AGAP1: variants seen among roughly 807,000 people sequenced by gnomAD.
AGAP1 encodes ArfGAP with GTPase domain, ankyrin repeat and PH domain 1, also known as arf-GAP with GTPase, ANK repeat and PH domain-containing protein 1.
AGAP1 carries 29 observed loss-of-function variants against 105.3 expected under a neutral mutation model. The observed-to-expected ratio is 0.28, with a 90% CI of 0.21 to 0.38. The LOEUF (loss-of-function observed/expected upper bound fraction) is 0.38. AGAP1 is among the 10% of genes least tolerant of loss of function. AGAP1 has a pLI of 1.00. For synonymous variants in AGAP1, 509 were observed against 485.9 expected (o/e 1.05, Z -0.63); for missense variants, 998 against 1,165.1 (o/e 0.86, Z 2.09).
At position 235,639,765 on chromosome 2, in the gene AGAP1, A is replaced by G. The variant is rs935995406; in HGVS notation, c.164-69414A>G. On this transcript the variant is annotated intron_variant, in intron 1 of 17. Transcript: ENST00000304032. The surrounding 1 kb of genome is among the most constrained non-coding windows in gnomAD (Gnocchi z 5.3). ...CACATGCCATCCCACATTCTAGACC[A>G]TCCAGTTTTGCTTCTCAGGCTCTGA... is the stretch of plus-strand genomic sequence containing the variant. Among the ~76,000 whole-genome samples, 2 of 152,124 alleles carry G rather than the reference A, an allele frequency of 1.3e-5. No homozygotes were observed. The highest frequency in any genetic ancestry group is 2.9e-5 in the Non-Finnish European group (2 of 68,024).
At chr2:235,500,695 T>C (rs901889964) in intron 1 of AGAP1, among the ~76,000 whole-genome samples, 1 of 152,272 alleles carries the variant, frequency 6.6e-6, no homozygotes, top group East Asian at 1.9e-4. Context: ...CTGGTGTTCA[T>C]GTGATCTTCA....
rs1944808088 is a variant in AGAP1, at chr2:235,578,384, C to T, written c.163+83535C>T. Among the ~76,000 whole-genome samples, 2 of 152,214 alleles carry T rather than the reference C, an allele frequency of 1.3e-5. No homozygotes were observed. The highest frequency in any genetic ancestry group is 6.5e-5 in the Admixed American group (1 of 15,286). ...GAGAAGTCAGTGACATGATTAAGAC[C>T]TTTAAAAATGATGGTAAGCATGTGC... On this transcript the variant is annotated intron_variant, in intron 1 of 17. Transcript: ENST00000304032. The surrounding 1 kb of genome is among the most constrained non-coding windows in gnomAD (Gnocchi z 4.9).
chr2:235,644,738 C>T (rs778702313), intron 1 of AGAP1, among the ~76,000 whole-genome samples: 1 of 152,106 alleles, frequency 6.6e-6, no homozygotes, highest in African/African-American at 2.4e-5. Flanking sequence ...AGTAGTGTTG[C>T]GTCCATTGGT....
intron 2 of AGAP1, 139 bp from the exon 3 acceptor site, chr2:235,717,418 T>G: frequency 7.3e-5 from 44 of 599,050 alleles, no homozygotes; most frequent in Non-Finnish European, 9.8e-5. Context: ...AAGTATTGAA[T>G]GAGCTTGTTT....
Position 235,908,130 on chromosome 2 carries a change from G to A in AGAP1, c.1156-608G>A, listed in dbSNP as rs2051397270. On this transcript the variant is annotated intron_variant, in intron 10 of 17. Transcript: ENST00000304032. This position sits in a 1 kb window ranked among gnomAD's most constrained non-coding sequence, Gnocchi z 4.4. ...GACTCCACAGTGAGTTAAGTGAGCTGCCAGAGAGCAGTCACTGTCCACCGA... is the reference window on the plus strand; with the variant it reads ...GACTCCACAGTGAGTTAAGTGAGCTACCAGAGAGCAGTCACTGTCCACCGA... Among the ~76,000 whole-genome samples the A allele has an allele frequency of 6.6e-6, 1 of 152,132 alleles. No individual in the cohort carries two copies. Among genetic ancestry groups the A allele is most frequent in the Non-Finnish European group, 1.5e-5 (1 of 68,026 alleles).
At position 236,121,520 on chromosome 2, in the gene AGAP1, C is replaced by T. The variant is rs1310195219; in HGVS notation, c.2370+1073C>T. On this transcript the variant is annotated intron_variant, in intron 17 of 17. Coordinates refer to ENST00000304032, the MANE Select transcript of AGAP1 (RefSeq NM_001037131.3). This position sits in a 1 kb window ranked among gnomAD's most constrained non-coding sequence, Gnocchi z 4.9. ...TTCACCATGTTGGTCAGTCTGGTCT[C>T]GAGCTCCTGACCTCGTGATCCACCC... Among the ~76,000 whole-genome samples, 6 of 151,992 alleles carry T rather than the reference C, an allele frequency of 3.9e-5. No individual in the cohort carries two copies. The highest frequency in any genetic ancestry group is 1.9e-4 in the East Asian group (1 of 5,134).
chr2:235,997,376 C>T (rs931277414), intron 13 of AGAP1, among the ~76,000 whole-genome samples: 3 of 152,294 alleles, frequency 2.0e-5, no homozygotes, highest in African/African-American at 4.8e-5. Flanking sequence ...CATGAGCCAC[C>T]GTGCCCAGCC....
intron 1 of AGAP1, among the ~76,000 whole-genome samples, chr2:235,583,008 G>A (rs1944984073): frequency 6.6e-6 from 1 of 152,158 alleles, no homozygotes; most frequent in South Asian, 2.1e-4. Context: ...AGTTGAAATA[G>A]TTCCCTAGTA....
intron 11 of AGAP1, among the ~76,000 whole-genome samples, chr2:235,923,290 C>A (rs558703524): frequency 6.6e-6 from 1 of 152,304 alleles, no homozygotes; most frequent in Non-Finnish European, 1.5e-5. Flanking sequence ...ACAGCTGTTT[C>A]CTTGTACAAC....
At chr2:235,781,914 C>T (rs1426815502) in intron 6 of AGAP1, among the ~76,000 whole-genome samples, 1 of 152,130 alleles carries the variant, frequency 6.6e-6, no homozygotes, top group African/African-American at 2.4e-5. Flanking sequence ...ATCAAGGAAG[C>T]TTGAAGCTAC....
chr2:235,831,139 C>T (rs888529687), intron 9 of AGAP1, among the ~76,000 whole-genome samples: 4 of 149,402 alleles, frequency 2.7e-5, no homozygotes, highest in Non-Finnish European at 4.4e-5. Context: ...GAATCACATT[C>T]GAGACTTTAA....
At chr2:235,860,971 A>G (rs568767284) in intron 9 of AGAP1, among the ~76,000 whole-genome samples, 16 of 152,308 alleles carry the variant, frequency 1.1e-4, no homozygotes, top group African/African-American at 3.8e-4. Flanking sequence ...CCCACTGCAG[A>G]CACCCCTCCT....
At chr2:235,617,430 G>A (rs1946342980) in intron 1 of AGAP1, among the ~76,000 whole-genome samples, 1 of 152,096 alleles carries the variant, frequency 6.6e-6, no homozygotes, top group African/African-American at 2.4e-5. Context: ...GGCCAGGTGC[G>A]GTGGCTCACA....
At position 235,729,308 on chromosome 2, in the gene AGAP1, C is replaced by A. The variant is rs1951817183; in HGVS notation, c.311-11655C>A. The stretch of plus-strand genomic sequence containing the variant: ...GTTTGGGCCGTCTAGAACCATGTGA[C>A]CTGGCAGCCACTTCAACTTGGGCAG... On this transcript the variant is annotated intron_variant, in intron 3 of 17. Transcript: ENST00000304032. The surrounding 1 kb of genome is among the most constrained non-coding windows in gnomAD (Gnocchi z 5.0). Among the ~76,000 whole-genome samples the A allele has an allele frequency of 6.6e-6, 1 of 152,162 alleles. No homozygotes were observed. The highest frequency in any genetic ancestry group is 1.5e-5 in the Non-Finnish European group (1 of 68,042).
Position 235,988,539 on chromosome 2 carries a change from C to A in AGAP1, c.1645+19916C>A, listed in dbSNP as rs938894780. Reference sequence around the variant, plus strand: ...TGGCAGGTATGGCTGTTTTTCTGAGCAGTAGGTACTTAGTCAAGGCATGCA... The same window carrying A: ...TGGCAGGTATGGCTGTTTTTCTGAGAAGTAGGTACTTAGTCAAGGCATGCA... On this transcript the variant is annotated intron_variant, in intron 13 of 17. Coordinates refer to ENST00000304032, the MANE Select transcript of AGAP1 (RefSeq NM_001037131.3). The surrounding 1 kb of genome is among the most constrained non-coding windows in gnomAD (Gnocchi z 4.7). Among the ~76,000 whole-genome samples the A allele has an allele frequency of 6.6e-6, 1 of 152,042 alleles. No individual in the cohort carries two copies. The highest frequency in any genetic ancestry group is 2.4e-5 in the African/African-American group (1 of 41,366).
rs116697702 is a variant in AGAP1 at position 235,628,223 on chromosome 2, T to C, written c.164-80956T>C. Reference sequence around the variant, plus strand: ...CAGGCACTGTCTGGGCACCTGTGCATTGCTGCCTACAGTCCTTTCAGAGAC... The same window carrying C: ...CAGGCACTGTCTGGGCACCTGTGCACTGCTGCCTACAGTCCTTTCAGAGAC... On this transcript the variant is annotated intron_variant, in intron 1 of 17. Coordinates refer to ENST00000304032, the MANE Select transcript of AGAP1 (RefSeq NM_001037131.3). Among the ~76,000 whole-genome samples, 892 of 152,274 alleles carry C rather than the reference T, an allele frequency of 5.9e-3. 10 individuals carry two copies. Among genetic ancestry groups the C allele is most frequent in the African/African-American group, 0.021 (865 of 41,568 alleles).
rs1037295277 is a variant in AGAP1, at chr2:235,566,091, A to T, written c.163+71242A>T. Reference sequence around the variant, plus strand: ...CTTTCATTTGTCCATTCCTCGATTTATTATTATTATTATTATTTGAGGTGG... The same window carrying T: ...CTTTCATTTGTCCATTCCTCGATTTTTTATTATTATTATTATTTGAGGTGG... On this transcript the variant is annotated intron_variant, in intron 1 of 17. Coordinates refer to ENST00000304032, the MANE Select transcript of AGAP1 (RefSeq NM_001037131.3). The surrounding 1 kb of genome is among the most constrained non-coding windows in gnomAD (Gnocchi z 5.2). 9.9e-5 allele frequency among the ~76,000 whole-genome samples: 15 copies of T among 151,532 alleles called. No individual in the cohort carries two copies. In the South Asian group the frequency reaches 1.3e-3, roughly 13 times the overall value.
At chr2:235,547,011 C>T (rs976274529) in intron 1 of AGAP1, among the ~76,000 whole-genome samples, 1 of 152,238 alleles carries the variant, frequency 6.6e-6, no homozygotes, top group African/African-American at 2.4e-5. Flanking sequence ...TGAACCACTT[C>T]AGCAGAAAGA....
chr2:235,577,849 C>A lies in AGAP1; in HGVS notation c.163+83000C>A, dbSNP rs1425384893. On this transcript the variant is annotated intron_variant, in intron 1 of 17. Coordinates refer to ENST00000304032, the MANE Select transcript of AGAP1 (RefSeq NM_001037131.3). The surrounding 1 kb of genome is among the most constrained non-coding windows in gnomAD (Gnocchi z 4.5). ...TGCACAAAAGGCCCATGTCTGCTCG[C>A]TGGGACCTGATAGTTCGCCTTTGTA... 6.6e-6 allele frequency among the ~76,000 whole-genome samples: 1 copy of A among 152,062 alleles called. No homozygotes were observed. The highest frequency in any genetic ancestry group is 6.5e-5 in the Admixed American group (1 of 15,278).
Sources: gnomAD v4.1 joint callset for allele counts (sites outside exome capture counted in the v4.1 genomes callset) on GRCh38, gnomAD v4.1.1 for gene constraint, Gnocchi (gnomAD v3.1) non-coding constraint, MANE v1.5 for transcripts, NCBI Gene and HGNC (gene_info 2026-07-23, HGNC 2026-07-21) for gene names.